NDST3: variants seen among roughly 807,000 people sequenced by gnomAD.
The protein encoded by NDST3 is N-deacetylase and N-sulfotransferase 3.
In NDST3, 58 loss-of-function variants were observed where a neutral mutation model predicts 96.1. The observed-to-expected ratio is 0.60, with a 90% CI of 0.49 to 0.75. The LOEUF (loss-of-function observed/expected upper bound fraction) is 0.75, where lower values mean the gene tolerates loss of function less well. Among genes scored for constraint, NDST3 ranks in the 30% least tolerant of loss-of-function variants. The pLI is 0.00. For synonymous variants in NDST3, 333 were observed against 359.7 expected (o/e 0.93, Z 0.84); for missense variants, 788 against 1,034.2 (o/e 0.76, Z 3.27).
chr4:118,192,316 T>C (rs1737359822), intron 6 of NDST3, among the ~76,000 whole-genome samples: 1 of 152,296 alleles, frequency 6.6e-6, no homozygotes, highest in Non-Finnish European at 1.5e-5. Context: ...TATTTTTGGT[T>C]GGTTGCCTGT....
At position 118,036,988 on chromosome 4, in the gene NDST3, AT is replaced by A. The variant is rs111775930; in HGVS notation, c.-156+2406del. On this transcript the variant is annotated intron_variant, in intron 1 of 13. Transcript: ENST00000296499. ...CATTTTACATGTGTTTCATTGCTGA[AT>A]TTTTTTTTTCATTAAAATATTTGAA... Among the ~76,000 whole-genome samples, 589 of 151,082 alleles carry A rather than the reference AT, an allele frequency of 3.9e-3. 3 individuals carry two copies. The highest frequency in any genetic ancestry group is 0.012 in the African/African-American group (481 of 41,190).
In NDST3 at chr4:118,252,958, C is replaced by T. The variant is rs551902575; in HGVS notation, c.2400-541C>T. Reference sequence around the variant, plus strand: ...CTATTACTTTAATACAGAGCTCATACCAAAAGAAGAAAGTAGCTCTGAAAA... The same window carrying T: ...CTATTACTTTAATACAGAGCTCATATCAAAAGAAGAAAGTAGCTCTGAAAA... On this transcript the variant is annotated intron_variant, in intron 12 of 13. Coordinates refer to ENST00000296499, the MANE Select transcript of NDST3 (RefSeq NM_004784.3). Among the ~76,000 whole-genome samples the T allele has an allele frequency of 4.9e-4, 74 of 151,994 alleles. 2 individuals carry two copies. In the South Asian group the frequency reaches 0.015, roughly 32 times the overall value.
rs1186138813 is a variant in NDST3 at position 118,066,312 on chromosome 4, A to G, written c.981+11421A>G. Among the ~76,000 whole-genome samples the G allele has an allele frequency of 1.8e-4, 2 of 10,820 alleles. 1 individual carries two copies. The highest frequency in any genetic ancestry group is 9.0e-4 in the Non-Finnish European group (2 of 2,214). 7.1% of individuals were successfully genotyped at this position (10,820 alleles called of 152,430 possible). A position where few individuals can be genotyped will look rare whatever the true frequency, so the allele number is the denominator to read the frequency against. On this transcript the variant is annotated intron_variant, in intron 2 of 13. Transcript: ENST00000296499. Reference sequence around the variant, plus strand: ...ATATTATATATATTATGTATTATATATATTATATATATTATGTATTATATA... The same window carrying G: ...ATATTATATATATTATGTATTATATGTATTATATATATTATGTATTATATA...
At chr4:118,215,513 C>G (rs1289864190) in intron 6 of NDST3, among the ~76,000 whole-genome samples, 1 of 152,032 alleles carries the variant, frequency 6.6e-6, no homozygotes, top group Non-Finnish European at 1.5e-5. Flanking sequence ...CACCTGAGTA[C>G]TGTTCCTTTG....
chr4:118,096,641 T>C (rs1401073980), intron 2 of NDST3, among the ~76,000 whole-genome samples: 1 of 151,054 alleles, frequency 6.6e-6, no homozygotes, highest in African/African-American at 2.4e-5. Context: ...CCCCAATACA[T>C]ACTCCATTAT....
intron 4 of NDST3, among the ~76,000 whole-genome samples, chr4:118,136,320 T>A (rs1473102285): frequency 2.6e-5 from 4 of 152,234 alleles, no homozygotes; most frequent in Admixed American, 1.3e-4. Flanking sequence ...GCACATTTTT[T>A]AAAGTTGTTA....
At chr4:118,214,082 A>G (rs920027013) in intron 6 of NDST3, among the ~76,000 whole-genome samples, 1 of 152,174 alleles carries the variant, frequency 6.6e-6, no homozygotes, top group Non-Finnish European at 1.5e-5. Context: ...GTGGAGATAC[A>G]AAGAGGAAGT....
intron 8 of NDST3, among the ~76,000 whole-genome samples, chr4:118,229,333 C>A (rs913513076): frequency 1.3e-5 from 2 of 152,150 alleles, no homozygotes; most frequent in African/African-American, 4.8e-5. Flanking sequence ...GATAATTTTG[C>A]AGATTTCTAG....
chr4:118,132,539 C>G (rs1231798419), intron 4 of NDST3, among the ~76,000 whole-genome samples: 2 of 152,260 alleles, frequency 1.3e-5, no homozygotes, highest in African/African-American at 2.4e-5. Flanking sequence ...ACCCCAAGAG[C>G]CTGCTTGTTG....
intron 2 of NDST3, among the ~76,000 whole-genome samples, chr4:118,072,465 T>C (rs1250526651): frequency 1.3e-5 from 2 of 152,138 alleles, no homozygotes; most frequent in Non-Finnish European, 2.9e-5. Flanking sequence ...GCTGTACTCC[T>C]AGGTATTTTG....
At chr4:118,047,246 C>G (rs543140786) in intron 1 of NDST3, among the ~76,000 whole-genome samples, 1 of 152,276 alleles carries the variant, frequency 6.6e-6, no homozygotes, top group Non-Finnish European at 1.5e-5. Flanking sequence ...CATCCAGAAA[C>G]AAATCCAACT....
At chr4:118,164,819 A>G (rs1040580841) in intron 6 of NDST3, among the ~76,000 whole-genome samples, 7 of 152,200 alleles carry the variant, frequency 4.6e-5, no homozygotes, top group Non-Finnish European at 8.8e-5. Context: ...AGAGTTTTAT[A>G]TCCAATTGAA....
chr4:118,041,485 C>A (rs901313835), intron 1 of NDST3, among the ~76,000 whole-genome samples: 32 of 152,132 alleles, frequency 2.1e-4, no homozygotes, highest in African/African-American at 3.1e-4. Context: ...TTTCAGAATG[C>A]CTGTCTAAGT....
At position 118,086,587 on chromosome 4, in the gene NDST3, A is replaced by G. The variant is rs149317589; in HGVS notation, c.982-18431A>G. Among the ~76,000 whole-genome samples the G allele has an allele frequency of 2.4e-4, 36 of 152,300 alleles. No individual in the cohort carries two copies. The East Asian group carries it at 7.0e-3, about 29-fold the overall frequency. On this transcript the variant is annotated intron_variant, in intron 2 of 13. Transcript: ENST00000296499. Reference sequence around the variant, plus strand: ...GCCAACCATCTTGGCCTAAGGACAAAAAATCACATTTAGTGTCAAAGTAAA... The same window carrying G: ...GCCAACCATCTTGGCCTAAGGACAAGAAATCACATTTAGTGTCAAAGTAAA...
At chr4:118,057,820 AG>A (rs1725551443) in intron 2 of NDST3, among the ~76,000 whole-genome samples, 1 of 151,862 alleles carries the variant, frequency 6.6e-6, no homozygotes, top group African/African-American at 2.4e-5. Flanking sequence ...CACTCAGTGG[AG>A]ACATTTTTGT....
chr4:118,240,331 CT>C (rs1424283689), intron 10 of NDST3, among the ~76,000 whole-genome samples, 192 bp from the exon 11 acceptor site: 1 of 152,124 alleles, frequency 6.6e-6, no homozygotes, highest in Non-Finnish European at 1.5e-5. Flanking sequence ...CAAAAATTTA[CT>C]CCCATAAGTA....
At chr4:118,048,355 A>G (rs1260555655) in intron 1 of NDST3, among the ~76,000 whole-genome samples, 1 of 152,186 alleles carries the variant, frequency 6.6e-6, no homozygotes, top group East Asian at 1.9e-4. Context: ...ACATGATGAC[A>G]GGACCAAAAT....
In NDST3 at chr4:118,054,075, C is replaced by T. The variant is rs1264979341; in HGVS notation, c.165C>T (p.Leu55=). The change falls in exon 2 of 14, where the codon CTC becomes CTT. Residue 55 remains leucine (L), a synonymous_variant. Coordinates refer to ENST00000296499, the MANE Select transcript of NDST3 (RefSeq NM_004784.3). The stretch of plus-strand genomic sequence containing the variant: ...CTTCAGAAGTTGACTGTGGCGACCT[C>T]CAACACCTACCATATCAACTAATGG... ...ETASEVDCGD[L]QHLPYQLMEV... The T allele has an allele frequency of 5.6e-6, 9 of 1,612,870 alleles. No individual in the cohort carries two copies. Among genetic ancestry groups the T allele is most frequent in the Non-Finnish European group, 7.6e-6 (9 of 1,179,330 alleles).
At position 118,138,054 on chromosome 4, in the gene NDST3, G is replaced by A. The variant is rs1000294882; in HGVS notation, c.1225G>A (p.Glu409Lys). 3 of 1,603,648 alleles carry A rather than the reference G, an allele frequency of 1.9e-6. No individual in the cohort carries two copies. Among genetic ancestry groups the A allele is most frequent in the South Asian group, 1.1e-5 (1 of 89,300 alleles). The change falls in exon 5 of 14, where the codon GAG (glutamate) becomes AAG (lysine). Residue 409 changes from glutamate (E) to lysine (K), a missense_variant and splice_region_variant. Coordinates refer to ENST00000296499, the MANE Select transcript of NDST3 (RefSeq NM_004784.3). Reference protein sequence around the residue: ...QMILNKKFALEHGIPTDMGYA... With the variant: ...QMILNKKFALKHGIPTDMGYA... ...CCAATTAACATTTGCTTGGTCTTAG[G>A]AGCACGGCATTCCAACGGACATGGG...
Sources: allele counts gnomAD v4.1 joint callset (sites outside exome capture counted in the v4.1 genomes callset), GRCh38; gene constraint gnomAD v4.1.1; transcripts MANE v1.5; gene names NCBI Gene and HGNC (gene_info 2026-07-23, HGNC 2026-07-21).